The following SHISA4 variants were observed in gnomAD, a reference collection of about 807,000 sequenced individuals.
SHISA4 encodes the protein protein shisa-4.
Under a neutral mutation model 24.2 loss-of-function variants are expected in SHISA4, and 16 were observed. The ratio of observed to expected loss-of-function variants is 0.66; its 90% CI spans 0.45 to 1.00. SHISA4 has a LOEUF of 1.00. SHISA4 is among the 50% of genes least tolerant of loss of function. SHISA4 has a pLI of 0.00. For missense variants in SHISA4, 238 were observed against 258.9 expected (o/e 0.92, Z 0.55); for synonymous variants, 106 against 105.4 (o/e 1.01, Z -0.04).
chr1:201,889,820 C>T (rs538094488), intron 2 of SHISA4, among the ~76,000 whole-genome samples: 1 of 152,322 alleles, frequency 6.6e-6, no homozygotes, highest in South Asian at 2.1e-4. Context: ...TGTTAGTTAC[C>T]TTCATAGGCT....
intron 1 of SHISA4, 84 bp downstream of exon 1, chr1:201,889,151 G>T: frequency 7.9e-7 from 1 of 1,268,782 alleles, no homozygotes; most frequent in Non-Finnish European, 1.1e-6. Flanking sequence ...TGGGCTCGGG[G>T]CTTCTCCGAG....
In SHISA4 at chr1:201,891,964, C is replaced by T. The variant is rs1437932106; in HGVS notation, c.*118C>T. 1.6e-6 allele frequency: 2 copies of T among 1,220,050 alleles called. No individual in the cohort carries two copies. The highest frequency in any genetic ancestry group is 2.4e-6 in the Non-Finnish European group (2 of 830,058). The allele number at this position is 1,220,050 out of a possible 1,614,324, so 75.6% of individuals were successfully genotyped here. A position where few individuals can be genotyped will look rare whatever the true frequency, so the allele number is the denominator to read the frequency against. ...AGTCCTCCAGCCACCAGGCCCCAGA[C>T]CAAGCCAAGCCCTGGGCCCTACTGG... On this transcript the variant is annotated 3_prime_UTR_variant, in exon 5 of 5. Transcript: ENST00000362011.
chr1:201,891,950 C>T lies in SHISA4; in HGVS notation c.*104C>T, dbSNP rs1050826398. ...CTGGGGGTGGCAGGAGTCCTCCAGC[C>T]ACCAGGCCCCAGACCAAGCCAAGCC... On this transcript the variant is annotated 3_prime_UTR_variant, in exon 5 of 5. Coordinates refer to ENST00000362011, the MANE Select transcript of SHISA4 (RefSeq NM_198149.3). The T allele has an allele frequency of 1.9e-5, 26 of 1,398,798 alleles. No homozygotes were observed. Among genetic ancestry groups the T allele is most frequent in the African/African-American group, 1.1e-4 (8 of 70,544 alleles). The allele number at this position is 1,398,798 out of a possible 1,614,324, so 86.6% of individuals were successfully genotyped here. A position where few individuals can be genotyped will look rare whatever the true frequency, so the allele number is the denominator to read the frequency against.
intron 2 of SHISA4, among the ~76,000 whole-genome samples, chr1:201,889,985 C>G (rs1464032547): frequency 6.6e-6 from 1 of 152,144 alleles, no homozygotes; most frequent in Non-Finnish European, 1.5e-5. Flanking sequence ...GTTTGATTCC[C>G]AGGTCCACTT....
chr1:201,891,278 G>A (rs1432036658), intron 3 of SHISA4, 123 bp from the exon 4 acceptor site: 38 of 1,195,656 alleles, frequency 3.2e-5, no homozygotes, highest in Non-Finnish European at 2.4e-6. Context: ...GGGAGGCAAA[G>A]ATGGCCAGCC....
chr1:201,891,891 G>A lies in SHISA4; in HGVS notation c.*45G>A, dbSNP rs374565183. 3 of 1,606,588 alleles carry A rather than the reference G, an allele frequency of 1.9e-6. No individual in the cohort carries two copies. The African/African-American group carries it at 4.0e-5, about 22-fold the overall frequency. On this transcript the variant is annotated 3_prime_UTR_variant, in exon 5 of 5. Coordinates refer to ENST00000362011, the MANE Select transcript of SHISA4 (RefSeq NM_198149.3). ...CTGCCCCTTCAGTGATGCCAACCTTGGGAGATGCCCTCATCCTGTACCTGC... is the reference window on the plus strand; with the variant it reads ...CTGCCCCTTCAGTGATGCCAACCTTAGGAGATGCCCTCATCCTGTACCTGC...
chr1:201,889,337 C>T, intron 1 of SHISA4, 108 bp from the exon 2 acceptor site: 1 of 1,466,148 alleles, frequency 6.8e-7, no homozygotes, highest in Non-Finnish European at 9.3e-7. Flanking sequence ...GGGCAACCCT[C>T]AGTGTTCGGG....
At chr1:201,891,676 A>T in intron 4 of SHISA4, 108 bp downstream of exon 4, 1 of 1,532,928 alleles carries the variant, frequency 6.5e-7, no homozygotes, top group Non-Finnish European at 9.0e-7. Flanking sequence ...GACTTCCTCC[A>T]CCTCTAGCCC....
chr1:201,889,023 C>A lies in SHISA4; in HGVS notation c.29C>A (p.Ala10Glu). Residue 10 changes from alanine (A) to glutamate (E), a missense_variant, in exon 1 of 5, where the codon GCG becomes GAG. Transcript: ENST00000362011. ...CCACCCGCGGGGCTCCGCCGGGCCG[C>A]GCCGCTCACCGCAATCGCTCTGTTG... MPPAGLRRA[A>E]PLTAIALLVL... The A allele has an allele frequency of 7.2e-7, 1 of 1,380,106 alleles. No homozygotes were observed. The highest frequency in any genetic ancestry group is 9.4e-7 in the Non-Finnish European group (1 of 1,067,396). 85.5% of individuals were successfully genotyped at this position (1,380,106 alleles called of 1,614,324 possible).
intron 2 of SHISA4, 103 bp downstream of exon 2, chr1:201,889,719 A>T: frequency 7.3e-7 from 1 of 1,365,110 alleles, no homozygotes; most frequent in Admixed American, 1.8e-5. Flanking sequence ...GTCGACCTCC[A>T]CATTCTTAGC....
chr1:201,889,541 G>GCTA lies in SHISA4; in HGVS notation c.172_174dup (p.Tyr58dup), dbSNP rs1455721391. 1 of 1,614,076 alleles carries GCTA rather than the reference G, an allele frequency of 6.2e-7. No homozygotes were observed. The highest frequency in any genetic ancestry group is 1.7e-5 in the Admixed American group (1 of 60,034). ...TTCTTCACCTTCTGCTGCGGGACCTGCTACCATCGGTACTGCTGCAGGGAC... is the reference window on the plus strand; with the variant it reads ...TTCTTCACCTTCTGCTGCGGGACCTGCTACTACCATCGGTACTGCTGCAGGGAC... On this transcript the variant is annotated inframe_insertion, in exon 2 of 5. Transcript: ENST00000362011.
chr1:201,891,639 T>G, intron 4 of SHISA4, 71 bp downstream of exon 4: 1 of 1,542,766 alleles, frequency 6.5e-7, no homozygotes, highest in Non-Finnish European at 8.9e-7. Context: ...CCCCTGTGCC[T>G]CTCTCATTCT....
chr1:201,889,097 G>A, intron 1 of SHISA4, 30 bp downstream of exon 1: 1 of 1,392,658 alleles, frequency 7.2e-7, no homozygotes, highest in Non-Finnish European at 9.4e-7. Context: ...TGCGGCAGGA[G>A]TGGGATGGGG....
chr1:201,891,052 G>A (rs1444227281), intron 3 of SHISA4, among the ~76,000 whole-genome samples: 1 of 152,158 alleles, frequency 6.6e-6, no homozygotes, highest in Non-Finnish European at 1.5e-5. Context: ...TGGGAGGGAA[G>A]GGCTAGGAGA....
At chr1:201,890,908 A>G (rs1380181061) in intron 3 of SHISA4, among the ~76,000 whole-genome samples, 2 of 152,234 alleles carry the variant, frequency 1.3e-5, no homozygotes, top group African/African-American at 4.8e-5. Context: ...ACACGGGGTC[A>G]GGTCTGTAGT....
chr1:201,889,616 G>GAA lies in SHISA4; in HGVS notation c.245_245+1insAA (p.Ser82ArgfsTer6). ...CAGCAGAAGCACTGCCTGGCCTTCA[G>GAA]GTGGGTTCCTGCCTCCTCACCCTCA... On this transcript the variant is annotated frameshift_variant and splice_region_variant. Coordinates refer to ENST00000362011, the MANE Select transcript of SHISA4 (RefSeq NM_198149.3). LOFTEE classifies it high-confidence loss of function. 6.2e-7 allele frequency: 1 copy of GAA among 1,612,364 alleles called. No homozygotes were observed. The highest frequency in any genetic ancestry group is 1.3e-5 in the African/African-American group (1 of 74,630).
rs1198577993 is a variant in SHISA4 at position 201,891,783 on chromosome 1, G to A, written c.548-17G>A. Reference sequence around the variant, plus strand: ...CTATGCCACCACTCACCCTCATCCTGTCTCTTTGGCTTTCAGCTCCTCCTC... The same window carrying A: ...CTATGCCACCACTCACCCTCATCCTATCTCTTTGGCTTTCAGCTCCTCCTC... On this transcript the variant is annotated splice_polypyrimidine_tract_variant and intron_variant, in intron 4 of 4. Transcript: ENST00000362011. 6.2e-6 allele frequency: 10 copies of A among 1,613,998 alleles called. No homozygotes were observed. The highest frequency in any genetic ancestry group is 6.8e-6 in the Non-Finnish European group (8 of 1,179,986).
chr1:201,892,043 G>C lies in SHISA4; in HGVS notation c.*197G>C, dbSNP rs556738366. The C allele has an allele frequency of 3.2e-6, 2 of 622,294 alleles. No homozygotes were observed. The highest frequency in any genetic ancestry group is 5.9e-5 in the Admixed American group (2 of 34,104). The allele number at this position is 622,294 out of a possible 1,614,324, so 38.5% of individuals were successfully genotyped here. ...AGCTGAACTAGAACTATGAGGGGTT[G>C]GGGGGAGGGCTTGGAATTATGGGCT... is the stretch of plus-strand genomic sequence containing the variant. On this transcript the variant is annotated 3_prime_UTR_variant, in exon 5 of 5. Transcript: ENST00000362011.
chr1:201,891,271 A>T, intron 3 of SHISA4, 130 bp from the exon 4 acceptor site: 1 of 1,039,946 alleles, frequency 9.6e-7, no homozygotes, highest in Non-Finnish European at 1.5e-6. Flanking sequence ...AGGGTGTGGG[A>T]GGCAAAGATG....
Sources: gnomAD v4.1 joint callset for allele counts (sites outside exome capture counted in the v4.1 genomes callset) on GRCh38, gnomAD v4.1.1 for gene constraint, MANE v1.5 for transcripts, NCBI Gene and HGNC (gene_info 2026-07-23, HGNC 2026-07-21) for gene names.